The following PVT1 variants were observed in gnomAD, a reference collection of about 807,000 sequenced individuals.
PVT1 encodes Pvt1 oncogene.
chr8:127,866,278 A>G (rs1324030536), intron 2 of PVT1, among the ~76,000 whole-genome samples: 7 of 152,074 alleles, frequency 4.6e-5, no homozygotes, highest in African/African-American at 1.7e-4. Flanking sequence ...ACTCCTGCTG[A>G]TGGGACCCTC....
At chr8:127,818,941 G>C (rs1412077704) in intron 2 of PVT1, among the ~76,000 whole-genome samples, 1 of 152,138 alleles carries the variant, frequency 6.6e-6, no homozygotes, top group Admixed American at 6.6e-5. Flanking sequence ...AACAGCCTCT[G>C]TCTGCCAGGC....
At chr8:127,918,814 T>C (rs1003679635) in intron 3 of PVT1, among the ~76,000 whole-genome samples, 5 of 152,164 alleles carry the variant, frequency 3.3e-5, no homozygotes, top group Non-Finnish European at 5.9e-5. Context: ...GCTGCATTCT[T>C]TTCTAACCAC....
intron 3 of PVT1, among the ~76,000 whole-genome samples, chr8:127,986,513 G>T (rs1586468720): frequency 6.6e-6 from 1 of 152,158 alleles, no homozygotes; most frequent in South Asian, 2.1e-4. Flanking sequence ...ATAGCCAGAG[G>T]GTCTGGGGGC....
intron 4 of PVT1, among the ~76,000 whole-genome samples, chr8:128,014,878 G>C (rs1478607490): frequency 6.6e-6 from 1 of 152,050 alleles, no homozygotes; most frequent in Non-Finnish European, 1.5e-5. Flanking sequence ...CTGGACTCTA[G>C]GGGCACTTAA....
Position 127,990,658 on chromosome 8 carries a change from C to T in PVT1, n.912+1367C>T, listed in dbSNP as rs546340299. 1.6e-4 allele frequency among the ~76,000 whole-genome samples: 25 copies of T among 152,314 alleles called. 1 individual carries two copies. Among genetic ancestry groups the T allele is most frequent in the African/African-American group, 5.8e-4 (24 of 41,564 alleles). ...ACTGAGAGCATAGCAGAGAACTGTACTTCTGTTGTGCTACATATGTCATCT... is the reference window on the plus strand; with the variant it reads ...ACTGAGAGCATAGCAGAGAACTGTATTTCTGTTGTGCTACATATGTCATCT... On this transcript the variant is annotated intron_variant and non_coding_transcript_variant, in intron 4 of 10. Transcript: ENST00000651587.
intron 4 of PVT1, among the ~76,000 whole-genome samples, chr8:128,063,784 G>A (rs185574254): frequency 1.3e-4 from 20 of 152,140 alleles, no homozygotes; most frequent in African/African-American, 2.7e-4. Flanking sequence ...TCAAGAAGTC[G>A]ATTTTGACTA....
intron 3 of PVT1, among the ~76,000 whole-genome samples, chr8:127,915,587 G>C (rs1815973677): frequency 6.9e-6 from 1 of 145,448 alleles, no homozygotes; most frequent in Non-Finnish European, 1.5e-5. Flanking sequence ...ATTTCAGCCT[G>C]GGCAACAAGA....
chr8:128,044,606 T>C (rs1813589388), intron 4 of PVT1, among the ~76,000 whole-genome samples: 1 of 152,150 alleles, frequency 6.6e-6, no homozygotes, highest in Admixed American at 6.5e-5. Flanking sequence ...TGCAACACAG[T>C]AAGGACTCAG....
intron 4 of PVT1, among the ~76,000 whole-genome samples, chr8:128,022,706 G>A (rs529598006): frequency 3.3e-5 from 5 of 152,246 alleles, no homozygotes; most frequent in East Asian, 1.9e-4. Context: ...GTAACTTTAC[G>A]TAAGTAGCAT....
At chr8:128,043,830 C>CTT (rs1158046188) in intron 4 of PVT1, among the ~76,000 whole-genome samples, 17 of 116,280 alleles carry the variant, frequency 1.5e-4, no homozygotes, top group African/African-American at 4.3e-4. Flanking sequence ...AACATCTTGT[C>CTT]TTTTTTTTTT....
intron 5 of PVT1, among the ~76,000 whole-genome samples, chr8:128,094,312 C>T (rs1814399316): frequency 6.6e-6 from 1 of 152,138 alleles, no homozygotes; most frequent in Non-Finnish European, 1.5e-5. Context: ...TAAACATTTA[C>T]ATTTTTAGAT....
At chr8:128,099,450 T>A (rs1339075183) in intron 6 of PVT1, 1 of 152,238 alleles carries the variant, frequency 6.6e-6, no homozygotes, top group Non-Finnish European at 1.5e-5. Context: ...GCAGGAAATG[T>A]CCTCTCGCCT....
At chr8:127,937,937 CG>C (rs2129901821) in intron 3 of PVT1, among the ~76,000 whole-genome samples, 1 of 152,292 alleles carries the variant, frequency 6.6e-6, no homozygotes, top group South Asian at 2.1e-4. Context: ...CTACATGCTC[CG>C]TCTAGTTCAG....
chr8:127,885,448 T>A (rs1229899503), intron 2 of PVT1, among the ~76,000 whole-genome samples: 2 of 152,202 alleles, frequency 1.3e-5, no homozygotes, highest in Non-Finnish European at 2.9e-5. Context: ...GGCTCAGACA[T>A]ATTTGGTGTC....
At chr8:127,801,180 G>A (rs1482314670) in intron 2 of PVT1, among the ~76,000 whole-genome samples, 3 of 152,200 alleles carry the variant, frequency 2.0e-5, no homozygotes, top group Non-Finnish European at 4.4e-5. Context: ...AGCCTGCAGG[G>A]CATTCCAAAG....
At chr8:128,005,636 T>C (rs1817238040) in intron 4 of PVT1, among the ~76,000 whole-genome samples, 1 of 152,222 alleles carries the variant, frequency 6.6e-6, no homozygotes, top group Admixed American at 6.5e-5. Flanking sequence ...TTTGTCTGGC[T>C]CCTGCTGTAC....
chr8:128,019,863 T>G (rs1048981229), intron 4 of PVT1, among the ~76,000 whole-genome samples: 2 of 152,206 alleles, frequency 1.3e-5, no homozygotes, highest in Admixed American at 6.5e-5. Context: ...AAAAGTAAAC[T>G]TTGGTGTTTA....
chr8:127,928,001 A>C (rs1305418962), intron 3 of PVT1, among the ~76,000 whole-genome samples: 1 of 152,214 alleles, frequency 6.6e-6, no homozygotes, highest in Non-Finnish European at 1.5e-5. Context: ...CCAAGCTGGT[A>C]GAGGGGCCAT....
chr8:127,857,679 A>AAAAAC lies in PVT1; in HGVS notation n.373-32896_373-32892dup, dbSNP rs562060100. On this transcript the variant is annotated intron_variant and non_coding_transcript_variant, in intron 2 of 10. Transcript: ENST00000651587. ...TAGGCCACAGAGTGAGACTGCCTCA[A>AAAAAC]AAAACAAAACAAAACAAAGCAAAAA... is the stretch of plus-strand genomic sequence containing the variant. 2.0e-3 allele frequency among the ~76,000 whole-genome samples: 310 copies of AAAAAC among 152,298 alleles called. 2 individuals are homozygous for AAAAAC. Among genetic ancestry groups the AAAAAC allele is most frequent in the African/African-American group, 7.1e-3 (297 of 41,554 alleles).
Sources: gnomAD v4.1 joint callset for allele counts (sites outside exome capture counted in the v4.1 genomes callset) on GRCh38, gnomAD v4.1.1 for gene constraint, MANE v1.5 for transcripts, NCBI Gene and HGNC (gene_info 2026-07-23, HGNC 2026-07-21) for gene names.